The following MCPH1 variants were observed in gnomAD, a reference collection of about 807,000 sequenced individuals.
MCPH1 encodes the protein microcephalin 1, also known as microcephalin.
In MCPH1, 104 loss-of-function variants were observed where a neutral mutation model predicts 84.5. The observed-to-expected ratio is 1.23, with a 90% confidence interval of 1.05 to 1.45. The LOEUF (loss-of-function observed/expected upper bound fraction) is 1.45, where lower values mean the gene tolerates loss of function less well. Among genes scored for constraint, MCPH1 ranks in the 40% most tolerant of loss-of-function variants. The pLI, the probability that MCPH1 is intolerant of heterozygous loss-of-function variation, is 0.00. For synonymous variants in MCPH1, 514 were observed against 366.8 expected (o/e 1.40, Z -4.58); for missense variants, 1,498 against 1,005.7 (o/e 1.49, Z -6.62).
intron 12 of MCPH1, among the ~76,000 whole-genome samples, chr8:6,507,302 T>A (rs768059914): frequency 6.6e-6 from 1 of 152,244 alleles, no homozygotes; most frequent in African/African-American, 2.4e-5. Context: ...CTGTTACCTT[T>A]GGTTTTCCTG....
At chr8:6,499,725 T>C (rs1811781980) in intron 11 of MCPH1, 127 bp from the exon 12 acceptor site, 3 of 777,108 alleles carry the variant, frequency 3.9e-6, no homozygotes, top group Admixed American at 1.9e-5. Context: ...CTTTGTTGTC[T>C]GAGAACACAT....
Position 6,643,301 on chromosome 8 carries a change from G to A in MCPH1, c.*252G>A, listed in dbSNP as rs549675666. Reference sequence around the variant, plus strand: ...ATTTTTTGAGACGGAGTCCTGCCCTGTTTCCCAGGCTGGAGTGCAATGGCA... The same window carrying A: ...ATTTTTTGAGACGGAGTCCTGCCCTATTTCCCAGGCTGGAGTGCAATGGCA... On this transcript the variant is annotated 3_prime_UTR_variant, in exon 14 of 14. Transcript: ENST00000344683. 1.2e-5 allele frequency: 6 copies of A among 488,062 alleles called. No homozygotes were observed. Among genetic ancestry groups the A allele is most frequent in the East Asian group, 7.6e-5 (2 of 26,340 alleles). 30.2% of individuals were successfully genotyped at this position (488,062 alleles called of 1,614,324 possible). A position where few individuals can be genotyped will look rare whatever the true frequency, so the allele number is the denominator to read the frequency against.
At chr8:6,504,605 A>G (rs1812903340) in intron 12 of MCPH1, among the ~76,000 whole-genome samples, 1 of 152,186 alleles carries the variant, frequency 6.6e-6, no homozygotes, top group East Asian at 1.9e-4. Flanking sequence ...AGATATGTCA[A>G]AGAGAAGCTG....
At chr8:6,545,029 G>A (rs150387881) in intron 12 of MCPH1, among the ~76,000 whole-genome samples, 20 of 152,178 alleles carry the variant, frequency 1.3e-4, no homozygotes, top group East Asian at 5.8e-4. Context: ...ATAATAGATC[G>A]CTGTCAAATG....
intron 12 of MCPH1, among the ~76,000 whole-genome samples, chr8:6,566,677 A>G (rs756322864): frequency 2.0e-5 from 3 of 151,682 alleles, no homozygotes; most frequent in African/African-American, 7.3e-5. Context: ...TGTGATTGGC[A>G]AGGCCATGGA....
At chr8:6,418,624 CCAGG>C (rs1799662820) in intron 3 of MCPH1, among the ~76,000 whole-genome samples, 1 of 152,022 alleles carries the variant, frequency 6.6e-6, no homozygotes, top group African/African-American at 2.4e-5. Context: ...CGCTCTGTCG[CCAGG>C]CTGGAGTGCA....
intron 11 of MCPH1, among the ~76,000 whole-genome samples, chr8:6,493,213 T>C (rs1022859486): frequency 1.3e-5 from 2 of 152,228 alleles, no homozygotes; most frequent in African/African-American, 4.8e-5. Flanking sequence ...TCCTGGTCAT[T>C]GCTTAGCTGT....
chr8:6,446,524 A>G lies in MCPH1; in HGVS notation c.1825+977A>G, dbSNP rs995669910. 4 of 984,330 alleles carry G rather than the reference A, an allele frequency of 4.1e-6. No homozygotes were observed. In the African/African-American group the frequency reaches 5.2e-5, roughly 13 times the overall value. 61.0% of individuals were successfully genotyped at this position (984,330 alleles called of 1,614,324 possible). On this transcript the variant is annotated intron_variant, in intron 8 of 13. Coordinates refer to ENST00000344683, the MANE Select transcript of MCPH1 (RefSeq NM_024596.5). ...TTTATGTTTTTGGCCTGCTATTTAT[A>G]TCTTGGCTTTCTGAACATATATTAA...
At chr8:6,435,125 G>GT (rs1802456620) in intron 4 of MCPH1, among the ~76,000 whole-genome samples, 2 of 152,240 alleles carry the variant, frequency 1.3e-5, no homozygotes, top group South Asian at 4.2e-4. Context: ...CAGTTTTTGG[G>GT]TTTTACTGGC....
chr8:6,495,062 G>A (rs1394120444), intron 11 of MCPH1, among the ~76,000 whole-genome samples: 1 of 152,142 alleles, frequency 6.6e-6, no homozygotes, highest in Admixed American at 6.5e-5. Flanking sequence ...GCTTATTTTG[G>A]AACAGATATT....
chr8:6,513,896 T>C (rs1815704063), intron 12 of MCPH1: 1 of 1,510,518 alleles, frequency 6.6e-7, no homozygotes, highest in Non-Finnish European at 9.0e-7. Context: ...TTTCTTTGTA[T>C]ATTTGAAGTG....
At chr8:6,490,132 C>A (rs1810400327) in intron 11 of MCPH1, among the ~76,000 whole-genome samples, 1 of 151,968 alleles carries the variant, frequency 6.6e-6, no homozygotes, top group Admixed American at 6.6e-5. Context: ...TGCTGAACTG[C>A]AGCACAAATT....
chr8:6,606,073 A>T (rs998652254), intron 12 of MCPH1, among the ~76,000 whole-genome samples: 12 of 152,224 alleles, frequency 7.9e-5, no homozygotes, highest in African/African-American at 2.9e-4. Context: ...TTAATAAAAA[A>T]ATTGTGAGTA....
chr8:6,629,057 C>T (rs1204605195), intron 13 of MCPH1, among the ~76,000 whole-genome samples: 2 of 152,202 alleles, frequency 1.3e-5, no homozygotes, highest in African/African-American at 2.4e-5. Flanking sequence ...TTGAAGCCTT[C>T]CCAGTCCTTA....
chr8:6,484,761 C>G lies in MCPH1; in HGVS notation c.2136+3885C>G, dbSNP rs531005896. ...CATCATGCCAAGTTGAATAGCTGGT[C>G]TCAGAAGGTCACATGCTGTATAAGG... is the stretch of plus-strand genomic sequence containing the variant. On this transcript the variant is annotated intron_variant, in intron 11 of 13. Coordinates refer to ENST00000344683, the MANE Select transcript of MCPH1 (RefSeq NM_024596.5). 2.6e-5 allele frequency among the ~76,000 whole-genome samples: 4 copies of G among 152,322 alleles called. No individual in the cohort carries two copies. The East Asian group carries it at 7.7e-4, about 29-fold the overall frequency.
At chr8:6,492,603 A>G (rs936017109) in intron 11 of MCPH1, among the ~76,000 whole-genome samples, 5 of 150,398 alleles carry the variant, frequency 3.3e-5, no homozygotes, top group Non-Finnish European at 5.9e-5. Flanking sequence ...GAAATAGCAT[A>G]TTTCTATGCT....
intron 9 of MCPH1, among the ~76,000 whole-genome samples, chr8:6,462,232 G>A (rs1384782086): frequency 1.3e-5 from 2 of 152,200 alleles, no homozygotes; most frequent in South Asian, 2.1e-4. Context: ...CAAATAGGGT[G>A]CAAAACAAAT....
chr8:6,602,984 CGT>C (rs139143848), intron 12 of MCPH1, among the ~76,000 whole-genome samples: 3,853 of 150,718 alleles, frequency 0.026, 167 homozygotes, highest in African/African-American at 0.088. Context: ...AGTGTGCATC[CGT>C]GTGTGTGTGT....
At chr8:6,633,505 G>A (rs564123309) in intron 13 of MCPH1, among the ~76,000 whole-genome samples, 1 of 152,122 alleles carries the variant, frequency 6.6e-6, no homozygotes, top group East Asian at 1.9e-4. Flanking sequence ...TAAACTTTTT[G>A]AGTGCCAATC....
Sources: gnomAD v4.1 joint callset for allele counts (sites outside exome capture counted in the v4.1 genomes callset) on GRCh38, gnomAD v4.1.1 for gene constraint, MANE v1.5 for transcripts, NCBI Gene and HGNC (gene_info 2026-07-23, HGNC 2026-07-21) for gene names.